The following C13orf46 variants were observed in gnomAD, a reference collection of about 807,000 sequenced individuals.
The protein encoded by C13orf46 is uncharacterized protein C13orf46.
chr13:113,929,067 G>A, the C13orf46 span, among the ~76,000 whole-genome samples: 2 of 152,262 alleles, frequency 1.3e-5, no homozygotes, highest in Admixed American at 6.5e-5. Flanking sequence ...CGGCCTGGGA[G>A]AGAAGCTGGC....
the C13orf46 span, among the ~76,000 whole-genome samples, chr13:113,930,201 G>A: frequency 6.6e-6 from 1 of 152,194 alleles, no homozygotes; most frequent in East Asian, 1.9e-4. Context: ...CCATCTGCAC[G>A]GCGCAGTCCA....
chr13:113,968,272 G>T (rs2052669361), intron 4 of C13orf46, among the ~76,000 whole-genome samples, 195 bp downstream of exon 4: 2 of 152,264 alleles, frequency 1.3e-5, no homozygotes, highest in Admixed American at 6.5e-5. Flanking sequence ...GCTGCCCTGG[G>T]ATCGGGTAAA....
the C13orf46 span, among the ~76,000 whole-genome samples, chr13:113,947,438 A>T: frequency 2.6e-5 from 4 of 152,184 alleles, no homozygotes; most frequent in Non-Finnish European, 4.4e-5. Context: ...CAGGAGTTTC[A>T]TTCTGCCCAC....
At chr13:113,966,273 ATGG>A (rs1160176576) in intron 5 of C13orf46, among the ~76,000 whole-genome samples, 16 of 148,716 alleles carry the variant, frequency 1.1e-4, no homozygotes, top group African/African-American at 3.0e-4. Flanking sequence ...GGTGACAGTG[ATGG>A]TGGTGATGAT....
At chr13:113,947,795 C>A in the C13orf46 span, among the ~76,000 whole-genome samples, 1 of 152,244 alleles carries the variant, frequency 6.6e-6, no homozygotes, top group Admixed American at 6.5e-5. Flanking sequence ...CACAGGCTGA[C>A]CCCGTGACAC....
chr13:113,973,161 A>C (rs1391730421), intron 1 of C13orf46, among the ~76,000 whole-genome samples: 1 of 152,192 alleles, frequency 6.6e-6, no homozygotes, highest in Non-Finnish European at 1.5e-5. Flanking sequence ...CTTCCTAAAC[A>C]AGAGCTGCAG....
chr13:113,945,605 G>GAAAAAGAAAGAAAGA, the C13orf46 span, among the ~76,000 whole-genome samples: 1 of 93,708 alleles, frequency 1.1e-5, no homozygotes, highest in Non-Finnish European at 2.2e-5. Flanking sequence ...AAGAAAGAAA[G>GAAAAAGAAAGAAAGA]AAGAAAGAAA....
chr13:113,940,561 T>C, the C13orf46 span, among the ~76,000 whole-genome samples: 1 of 75,972 alleles, frequency 1.3e-5, no homozygotes, highest in African/African-American at 5.0e-5. Flanking sequence ...ACTCCATGTG[T>C]GAGGCTGAGC....
chr13:113,965,829 AATGGTGATGGTGATG>A (rs1178134636), intron 5 of C13orf46, among the ~76,000 whole-genome samples: 13 of 60,466 alleles, frequency 2.1e-4, no homozygotes, highest in African/African-American at 9.4e-4. Flanking sequence ...TGATGGTGAT[AATGGTGATGGTGATG>A]ATGGTGATGG....
chr13:113,947,580 G>A, the C13orf46 span, among the ~76,000 whole-genome samples: 1 of 152,156 alleles, frequency 6.6e-6, no homozygotes, highest in Admixed American at 6.5e-5. Flanking sequence ...GATGTGAGAA[G>A]CAGCTGGCAT....
At chr13:113,948,697 C>T in the C13orf46 span, among the ~76,000 whole-genome samples, 430 of 152,324 alleles carry the variant, frequency 2.8e-3, 4 homozygotes, top group African/African-American at 9.7e-3. Context: ...AATTGCTGAA[C>T]GCTCCAACAG....
chr13:113,938,750 C>T, the C13orf46 span, among the ~76,000 whole-genome samples: 1 of 152,202 alleles, frequency 6.6e-6, no homozygotes. Flanking sequence ...ATTCCAGAAA[C>T]ACTGCACCAG....
the C13orf46 span, among the ~76,000 whole-genome samples, chr13:113,934,816 C>T: frequency 3.9e-5 from 6 of 152,356 alleles, no homozygotes; most frequent in African/African-American, 1.2e-4. Flanking sequence ...GCACCTCTAA[C>T]GGGCCCCACT....
intron 6 of C13orf46, among the ~76,000 whole-genome samples, chr13:113,959,707 A>C: frequency 6.6e-6 from 1 of 152,342 alleles, no homozygotes; most frequent in African/African-American, 2.4e-5. Flanking sequence ...TATATCAAGG[A>C]AAATTTGGAG....
intron 1 of C13orf46, among the ~76,000 whole-genome samples, chr13:113,972,576 G>C (rs2052719377): frequency 6.6e-6 from 1 of 152,194 alleles, no homozygotes; most frequent in African/African-American, 2.4e-5. Context: ...AAGGTGTGAG[G>C]AGGTGACTGC....
At chr13:113,962,496 G>A (rs944733472) in intron 6 of C13orf46, among the ~76,000 whole-genome samples, 6 of 152,244 alleles carry the variant, frequency 3.9e-5, no homozygotes, top group African/African-American at 7.2e-5. Context: ...TTACAGCCAC[G>A]GCTGAGGACT....
the C13orf46 span, among the ~76,000 whole-genome samples, chr13:113,939,516 G>A: frequency 6.6e-6 from 1 of 152,222 alleles, no homozygotes; most frequent in East Asian, 1.9e-4. Context: ...CAGAGACCAC[G>A]TGGATGGGAA....
the C13orf46 span, among the ~76,000 whole-genome samples, chr13:113,941,602 G>A: frequency 6.6e-6 from 1 of 152,224 alleles, no homozygotes; most frequent in African/African-American, 2.4e-5. Flanking sequence ...ACCCAGGAAC[G>A]TGCTGGAAAC....
chr13:113,962,049 G>C (rs1384197406), intron 6 of C13orf46, among the ~76,000 whole-genome samples: 1 of 152,220 alleles, frequency 6.6e-6, no homozygotes, highest in African/African-American at 2.4e-5. Context: ...GATGTATTGT[G>C]TTGGGCAGGT....
Sources: allele counts gnomAD v4.1 joint callset (sites outside exome capture counted in the v4.1 genomes callset), GRCh38; gene constraint gnomAD v4.1.1; transcripts MANE v1.5; gene names NCBI Gene and HGNC (gene_info 2026-07-23, HGNC 2026-07-21).